The following CFAP47 variants were observed in gnomAD, a reference collection of about 807,000 sequenced individuals.
CFAP47 encodes the protein cilia and flagella associated protein 47.
A neutral mutation model predicts 148.1 loss-of-function variants in CFAP47; 29 were observed. That is an observed-to-expected ratio of 0.20 (90% CI 0.15 to 0.27). CFAP47 has a LOEUF of 0.27. Ranked by LOEUF, CFAP47 falls within the 10% of genes least tolerant of loss-of-function variation. The pLI is 1.00. For missense variants in CFAP47, 1,872 were observed against 1,697.5 expected (o/e 1.10, Z -1.81); for synonymous variants, 664 against 577.3 (o/e 1.15, Z -2.15).
chrX:36,284,864 T>G (rs1375948492), intron 50 of CFAP47, among the ~76,000 whole-genome samples: 1 of 111,290 alleles, frequency 9.0e-6, no homozygotes, highest in Non-Finnish European at 1.9e-5. Flanking sequence ...CATGACCTAG[T>G]TCAACACAGG....
chrX:36,001,968 T>C (rs906083438), intron 21 of CFAP47, among the ~76,000 whole-genome samples: 15 of 111,548 alleles, frequency 1.3e-4, no homozygotes, highest in African/African-American at 4.2e-4. Flanking sequence ...TTCAAGATAT[T>C]ACACATTTTG....
Position 36,242,138 on chromosome X carries a change from T to C in CFAP47, c.7332+5279T>C, listed in dbSNP as rs1484123100. The stretch of plus-strand genomic sequence containing the variant: ...CAAGAATTCAGCCTCAAATAAATAT[T>C]GTTTCTGAAAACATCCACAAACAAA... On this transcript the variant is annotated intron_variant, in intron 48 of 63. Transcript: ENST00000378653. 6.2e-5 allele frequency among the ~76,000 whole-genome samples: 7 copies of C among 112,411 alleles called. No homozygotes were observed. The Admixed American group carries it at 6.6e-4, about 11-fold the overall frequency.
intron 48 of CFAP47, among the ~76,000 whole-genome samples, chrX:36,243,208 A>T (rs1940567581): frequency 9.0e-6 from 1 of 111,431 alleles, no homozygotes; most frequent in African/African-American, 3.3e-5. Flanking sequence ...AATTGAAAGG[A>T]CACCTGCTTC....
chrX:36,263,718 C>T (rs937825006), intron 49 of CFAP47, among the ~76,000 whole-genome samples: 3 of 111,631 alleles, frequency 2.7e-5, no homozygotes, highest in Admixed American at 9.5e-5. Flanking sequence ...AGTCCAGAAA[C>T]GTCATCCAAT....
chrX:36,281,836 T>C (rs1941082067), intron 50 of CFAP47, among the ~76,000 whole-genome samples: 1 of 111,560 alleles, frequency 9.0e-6, no homozygotes. Context: ...CCAGTTAGAC[T>C]ACTACAACAG....
At chrX:36,350,243 G>T in intron 59 of CFAP47, 111 bp downstream of exon 59, 1 of 422,889 alleles carries the variant, frequency 2.4e-6, no homozygotes, top group Non-Finnish European at 4.1e-6. Context: ...AATGTGAACA[G>T]TCCTACTGGT....
chrX:36,078,290 A>G (rs1290014920), intron 29 of CFAP47, among the ~76,000 whole-genome samples: 3 of 110,596 alleles, frequency 2.7e-5, no homozygotes, highest in South Asian at 7.8e-4. Flanking sequence ...TCTGTCTCAT[A>G]TTGACAGTGG....
At chrX:36,090,958 AT>A (rs1159876583) in intron 30 of CFAP47, among the ~76,000 whole-genome samples, 2 of 111,607 alleles carry the variant, frequency 1.8e-5, no homozygotes, top group Non-Finnish European at 3.8e-5. Flanking sequence ...CTTGGAAAAA[AT>A]ATTCAAATAA....
chrX:36,110,622 T>G (rs1443630595), intron 33 of CFAP47, among the ~76,000 whole-genome samples: 1 of 111,969 alleles, frequency 8.9e-6, no homozygotes, highest in African/African-American at 3.2e-5. Context: ...AATTTTAAAA[T>G]AGTTATTTCT....
At position 36,000,399 on chromosome X, in the gene CFAP47, T is replaced by G; in HGVS notation, c.3294T>G (p.Asp1098Glu). 3.4e-6 allele frequency: 1 copy of G among 295,817 alleles called. No individual in the cohort carries two copies. The highest frequency in any genetic ancestry group is 4.8e-5 in the East Asian group (1 of 20,867). 24.4% of individuals were successfully genotyped at this position (295,817 alleles called of 1,213,427 possible). ...AGTTTAATCTAAAAGACTTTCCGGA[T>G]TTTTCAATGGATCTTAAAGACAAAT... The part of the protein sequence containing the change: ...RVEFNLKDFP[D>E]FSMDLKDKSE... The change falls in exon 20 of 64, where the codon GAT becomes GAG. Residue 1098 changes from aspartate to glutamate, a missense_variant. Transcript: ENST00000378653.
intron 26 of CFAP47, among the ~76,000 whole-genome samples, chrX:36,052,434 A>G (rs1937523705): frequency 1.8e-5 from 2 of 112,573 alleles, no homozygotes; most frequent in Admixed American, 1.9e-4. Context: ...TAATGCATTT[A>G]TAAGTGTTTT....
chrX:36,166,077 A>G (rs1273181106), intron 39 of CFAP47, among the ~76,000 whole-genome samples: 2 of 111,470 alleles, frequency 1.8e-5, no homozygotes, highest in Non-Finnish European at 3.8e-5. Flanking sequence ...CCTACTTATT[A>G]TTTCCATTTC....
Position 35,975,219 on chromosome X carries a change from T to C in CFAP47, c.2327T>C (p.Met776Thr). 2.5e-6 allele frequency: 3 copies of C among 1,198,457 alleles called. No individual in the cohort carries two copies. Among genetic ancestry groups the C allele is most frequent in the Non-Finnish European group, 3.4e-6 (3 of 884,006 alleles). Residue 776 changes from methionine (M) to threonine (T), a missense_variant, in exon 14 of 64, where the codon ATG (methionine) becomes ACG (threonine). Physicochemically the swap from Met to Thr is moderately conservative, Grantham distance 81 (BLOSUM62 -1). Transcript: ENST00000378653. Reference sequence around the variant, plus strand: ...ACTCATCTACTTCATGTTATTAATATGCTACCTATGCATGTTTTGCTCCAG... The same window carrying C: ...ACTCATCTACTTCATGTTATTAATACGCTACCTATGCATGTTTTGCTCCAG... ...PNTHLLHVIN[M>T]LPMHVLLQLD...
intron 49 of CFAP47, among the ~76,000 whole-genome samples, chrX:36,256,953 A>G (rs1940760451): frequency 8.9e-6 from 1 of 112,323 alleles, no homozygotes; most frequent in Admixed American, 9.4e-5. Context: ...TTCAGTTGAG[A>G]GAGGATTCTC....
chrX:36,250,613 AGTTT>A (rs1940679780), intron 48 of CFAP47, among the ~76,000 whole-genome samples: 1 of 110,452 alleles, frequency 9.1e-6, no homozygotes, highest in Non-Finnish European at 1.9e-5. Context: ...TAGATTAATT[AGTTT>A]GATTTAGCCA....
intron 40 of CFAP47, 27 bp downstream of exon 40, chrX:36,179,449 A>G: frequency 1.0e-5 from 3 of 295,718 alleles, no homozygotes; most frequent in East Asian, 9.6e-5. Context: ...TGTACTCATA[A>G]GTATCTGAGA....
chrX:35,921,983 A>G (rs1293625754), intron 1 of CFAP47, among the ~76,000 whole-genome samples: 1 of 111,717 alleles, frequency 9.0e-6, no homozygotes, highest in Admixed American at 9.6e-5. Flanking sequence ...AAGAAGACAC[A>G]TACTTTATCT....
At chrX:36,245,138 G>A (rs1555996821) in intron 48 of CFAP47, among the ~76,000 whole-genome samples, 1 of 111,664 alleles carries the variant, frequency 9.0e-6, no homozygotes, top group Non-Finnish European at 1.9e-5. Flanking sequence ...TGCAGAAAAA[G>A]CTTTTGATAA....
chrX:36,266,223 T>G (rs1242218866), intron 49 of CFAP47, among the ~76,000 whole-genome samples: 1 of 110,199 alleles, frequency 9.1e-6, no homozygotes, highest in Non-Finnish European at 1.9e-5. Flanking sequence ...GCACCACAGG[T>G]GACAGGCTCT....
Sources: gnomAD v4.1 joint callset for allele counts (sites outside exome capture counted in the v4.1 genomes callset) on GRCh38, gnomAD v4.1.1 for gene constraint, MANE v1.5 for transcripts, NCBI Gene and HGNC (gene_info 2026-07-23, HGNC 2026-07-21) for gene names.